Variants in MVD observed in about 807,000 individuals in gnomAD.
The protein encoded by MVD is diphosphomevalonate decarboxylase.
Under a neutral mutation model 42.4 loss-of-function variants are expected in MVD, and 52 were observed. The observed-to-expected ratio is 1.23, with a 90% confidence interval of 0.98 to 1.55. MVD has a LOEUF of 1.55. MVD is among the 40% of genes most tolerant of loss of function. MVD has a pLI of 0.00. For synonymous variants in MVD, 287 were observed against 243.2 expected (o/e 1.18, Z -1.68); for missense variants, 663 against 572.1 (o/e 1.16, Z -1.62).
At position 88,655,406 on chromosome 16, in the gene MVD, C is replaced by G; in HGVS notation, c.690G>C (p.Glu230Asp). ...CCGCCATGCGCGCGGGCACCACGGA[C>G]TCGGCCCGGAACTGCAAGGCACAGG... ...ETSPLLRFRA[E>D]SVVPARMAEM... The change falls in exon 7 of 10, where the codon GAG (glutamate) becomes GAC (aspartate). Residue 230 changes from glutamate (E) to aspartate (D), a missense_variant. Glu to Asp is a conservative substitution (Grantham distance 45). Coordinates refer to ENST00000301012, the MANE Select transcript of MVD (RefSeq NM_002461.3). 6.3e-7 allele frequency: 1 copy of G among 1,576,696 alleles called. No homozygotes were observed.
intron 7 of MVD, 113 bp from the exon 8 acceptor site, chr16:88,654,920 C>A: frequency 9.4e-7 from 1 of 1,061,986 alleles, no homozygotes; most frequent in Non-Finnish European, 1.3e-6. Context: ...TCTAGGCCCT[C>A]AGGGCCACAC....
intron 6 of MVD, 67 bp from the exon 7 acceptor site, chr16:88,655,484 A>T: frequency 6.5e-7 from 1 of 1,527,682 alleles, no homozygotes; most frequent in Non-Finnish European, 8.8e-7. Context: ...TCGAGGAGAG[A>T]CTCCGGGGTT....
At chr16:88,662,018 A>C (rs1330845747) in intron 1 of MVD, 1 of 152,020 alleles carries the variant, frequency 6.6e-6, no homozygotes, top group African/African-American at 2.4e-5. Flanking sequence ...ATATATATAT[A>C]TCTACCATCT....
chr16:88,653,432 G>C, intron 8 of MVD, 24 bp from the exon 9 acceptor site: 2 of 1,573,486 alleles, frequency 1.3e-6, no homozygotes, highest in Non-Finnish European at 1.7e-6. Context: ...GCAGGGGCAC[G>C]GTGAATGCAT....
At chr16:88,662,731 T>C (rs935190229) in intron 1 of MVD, 28 of 1,451,168 alleles carry the variant, frequency 1.9e-5, no homozygotes, top group African/African-American at 3.0e-5. Context: ...GAATCGATGA[T>C]TGATGATTTC....
chr16:88,654,585 T>A (rs2142894251), intron 8 of MVD, 107 bp downstream of exon 8: 1 of 1,138,486 alleles, frequency 8.8e-7, no homozygotes, highest in East Asian at 3.0e-5. Context: ...CTGCCTGCCC[T>A]GGGACTCCCT....
chr16:88,663,063 C>G lies in MVD; in HGVS notation c.18G>C (p.Pro6=). The G allele has an allele frequency of 1.9e-6, 3 of 1,609,884 alleles. No individual in the cohort carries two copies. Among genetic ancestry groups the G allele is most frequent in the Non-Finnish European group, 2.5e-6 (3 of 1,178,824 alleles). ...GCGCTGTACAAGTGACTGCCGCCAGCGGCTTCTCCGAGGCCATGGTCCCAC... is the reference window on the plus strand; with the variant it reads ...GCGCTGTACAAGTGACTGCCGCCAGGGGCTTCTCCGAGGCCATGGTCCCAC... The part of the protein sequence containing the change: MASEK[P]LAAVTCTAPV... Residue 6 remains proline, a synonymous_variant, in exon 1 of 10, where the codon CCG becomes CCC. Transcript: ENST00000301012.
chr16:88,660,267 G>A (rs906923021), intron 1 of MVD, among the ~76,000 whole-genome samples: 5 of 152,160 alleles, frequency 3.3e-5, no homozygotes, highest in Admixed American at 1.3e-4. Context: ...CTCCACCAGC[G>A]CGCTATCAAA....
At position 88,652,076 on chromosome 16, in the gene MVD, C is replaced by T. The variant is rs1597375450; in HGVS notation, c.*449G>A. On this transcript the variant is annotated 3_prime_UTR_variant, in exon 10 of 10. Coordinates refer to ENST00000301012, the MANE Select transcript of MVD (RefSeq NM_002461.3). ...GCCGGGGGCAGGGTCTCAGCAGAAG[C>T]GCCGTGGGCAGCCACCATCCGAGGC... The T allele has an allele frequency of 9.1e-6, 2 of 220,088 alleles. No homozygotes were observed. Among genetic ancestry groups the T allele is most frequent in the Non-Finnish European group, 9.4e-6 (1 of 106,792 alleles). 13.6% of individuals were successfully genotyped at this position (220,088 alleles called of 1,614,324 possible). A position where few individuals can be genotyped will look rare whatever the true frequency, so the allele number is the denominator to read the frequency against.
rs1907708339 is a variant in MVD at position 88,653,428 on chromosome 16, G to A, written c.1014-20C>T. The A allele has an allele frequency of 1.9e-6, 3 of 1,590,248 alleles. No homozygotes were observed. The highest frequency in any genetic ancestry group is 1.8e-5 in the Admixed American group (1 of 56,556). ...AGAAACCTGGAAAAGCAGGGCAGGG[G>A]CACGGTGAATGCATCCGTTTCTCTA... is the stretch of plus-strand genomic sequence containing the variant. On this transcript the variant is annotated intron_variant, in intron 8 of 9. Coordinates refer to ENST00000301012, the MANE Select transcript of MVD (RefSeq NM_002461.3).
In MVD at chr16:88,653,198, G is replaced by A. The variant is rs577206497; in HGVS notation, c.1122+102C>T. On this transcript the variant is annotated intron_variant, in intron 9 of 9. Transcript: ENST00000301012. ...CTGGCTTCCTGCCTGAGACACGGTAGGGACAGGGAGCCGCGCTTAGCCTTT... is the reference window on the plus strand; with the variant it reads ...CTGGCTTCCTGCCTGAGACACGGTAAGGACAGGGAGCCGCGCTTAGCCTTT... 7.0e-6 allele frequency: 6 copies of A among 859,276 alleles called. No individual in the cohort carries two copies. The East Asian group carries it at 1.7e-4, about 24-fold the overall frequency. The allele number at this position is 859,276 out of a possible 1,614,324, so 53.2% of individuals were successfully genotyped here.
chr16:88,661,925 CAT>C (rs1350470476), intron 1 of MVD, among the ~76,000 whole-genome samples: 1 of 93,312 alleles, frequency 1.1e-5, no homozygotes, highest in East Asian at 2.7e-4. Context: ...TATACACACA[CAT>C]ATATCTATAC....
rs530789589 is a variant in MVD at position 88,657,624 on chromosome 16, C to T, written c.257-42G>A. 5 of 1,593,788 alleles carry T rather than the reference C, an allele frequency of 3.1e-6. No homozygotes were observed. In the Admixed American group the frequency reaches 6.7e-5, roughly 21 times the overall value. On this transcript the variant is annotated intron_variant, in intron 3 of 9. Transcript: ENST00000301012. ...ACAGCGTGTGGCCCAGCCGTCAGCACCCTGCCCGCCCTGCTCCTGCCCACC... is the reference window on the plus strand; with the variant it reads ...ACAGCGTGTGGCCCAGCCGTCAGCATCCTGCCCGCCCTGCTCCTGCCCACC...
At chr16:88,657,862 C>T (rs768253124) in intron 3 of MVD, 53 bp downstream of exon 3, 3 of 1,567,394 alleles carry the variant, frequency 1.9e-6, no homozygotes, top group Non-Finnish European at 1.7e-6. Context: ...TTTCTGGATG[C>T]TCGGACCCTG....
At chr16:88,655,525 TTGGCTCC>T in intron 6 of MVD, 108 bp from the exon 7 acceptor site, 1 of 1,503,768 alleles carries the variant, frequency 6.6e-7, no homozygotes, top group Non-Finnish European at 8.9e-7. Context: ...ATCTCTGCAT[TTGGCTCC>T]TGCACGTGGT....
chr16:88,657,407 A>C, intron 4 of MVD, 29 bp downstream of exon 4: 1 of 1,570,044 alleles, frequency 6.4e-7, no homozygotes, highest in Non-Finnish European at 8.6e-7. Context: ...CACAGCCCAG[A>C]ACCCCTGCGG....
rs772910711 is a variant in MVD at position 88,653,445 on chromosome 16, G to A, written c.1014-37C>T. On this transcript the variant is annotated intron_variant, in intron 8 of 9. Transcript: ENST00000301012. Reference sequence around the variant, plus strand: ...GGGCAGGGGCACGGTGAATGCATCCGTTTCTCTAAGCGTCTACAACAGTCT... The same window carrying A: ...GGGCAGGGGCACGGTGAATGCATCCATTTCTCTAAGCGTCTACAACAGTCT... The A allele has an allele frequency of 2.3e-5, 35 of 1,536,216 alleles. No homozygotes were observed. The Middle Eastern group carries it at 8.4e-4, about 37-fold the overall frequency.
At chr16:88,656,667 G>C in intron 4 of MVD, 1 of 369,050 alleles carries the variant, frequency 2.7e-6, no homozygotes, top group Non-Finnish European at 5.2e-6. Context: ...GTGGGGCAGG[G>C]ACCGATGCCA....
At position 88,663,035 on chromosome 16, in the gene MVD, C is replaced by T. The variant is rs1485217002; in HGVS notation, c.46G>A (p.Val16Ile). ...PLAAVTCTAPVNIAVIKYWGK... is the reference protein window; with the variant it reads ...PLAAVTCTAPINIAVIKYWGK... Reference sequence around the variant, plus strand: ...CAGTACTTGATGACCGCGATGTTGACCGGCGCTGTACAAGTGACTGCCGCC... The same window carrying T: ...CAGTACTTGATGACCGCGATGTTGATCGGCGCTGTACAAGTGACTGCCGCC... Residue 16 changes from valine to isoleucine, a missense_variant, in exon 1 of 10, where the codon GTC becomes ATC. Coordinates refer to ENST00000301012, the MANE Select transcript of MVD (RefSeq NM_002461.3). 1 of 1,609,614 alleles carries T rather than the reference C, an allele frequency of 6.2e-7. No individual in the cohort carries two copies. Among genetic ancestry groups the T allele is most frequent in the East Asian group, 2.2e-5 (1 of 44,730 alleles).
Sources: allele counts gnomAD v4.1 joint callset (sites outside exome capture counted in the v4.1 genomes callset), GRCh38; gene constraint gnomAD v4.1.1; transcripts MANE v1.5; gene names NCBI Gene and HGNC (gene_info 2026-07-23, HGNC 2026-07-21).